The following INPP4A variants were observed in gnomAD, a reference collection of about 807,000 sequenced individuals.
INPP4A encodes inositol polyphosphate-4-phosphatase type I A, also known as inositol polyphosphate-4-phosphatase, type I, 107kD.
In INPP4A, 33 loss-of-function variants were observed where a neutral mutation model predicts 119.8. The observed-to-expected ratio is 0.28, with a 90% CI of 0.21 to 0.37. The LOEUF (loss-of-function observed/expected upper bound fraction) is 0.37. INPP4A is among the 10% of genes least tolerant of loss of function. The probability of loss-of-function intolerance (pLI) is 1.00; values close to 1 mark genes in which losing one functional copy is unlikely to be tolerated. For synonymous variants in INPP4A, 496 were observed against 500.7 expected (o/e 0.99, Z 0.12); for missense variants, 956 against 1,289.9 (o/e 0.74, Z 3.97).
In INPP4A at chr2:98,485,233, G is replaced by C. The variant is rs1187905928; in HGVS notation, c.-165-33731G>C. Among the ~76,000 whole-genome samples, 3 of 152,218 alleles carry C rather than the reference G, an allele frequency of 2.0e-5. No individual in the cohort carries two copies. In the East Asian group the frequency reaches 5.8e-4, roughly 29 times the overall value. On this transcript the variant is annotated intron_variant, in intron 1 of 24. Coordinates refer to ENST00000409851, the MANE Select transcript of INPP4A (RefSeq NM_001134225.2). ...CTGAAGAAATGTTACTTCTTTGTAA[G>C]AAACATTTTAGACTGAAATAAAAAC...
At chr2:98,470,472 C>T (rs768954051) in intron 1 of INPP4A, among the ~76,000 whole-genome samples, 22 of 152,164 alleles carry the variant, frequency 1.4e-4, no homozygotes, top group East Asian at 1.9e-4. Context: ...CGCTGGGCTT[C>T]GGCCCCTGCA....
At chr2:98,459,204 G>C (rs1404652428) in intron 1 of INPP4A, among the ~76,000 whole-genome samples, 3 of 152,162 alleles carry the variant, frequency 2.0e-5, no homozygotes, top group Admixed American at 2.0e-4. Flanking sequence ...TCGGCCAGGG[G>C]CTTGCCCCTA....
chr2:98,532,919 A>G (rs1394028413), intron 4 of INPP4A, among the ~76,000 whole-genome samples: 1 of 152,176 alleles, frequency 6.6e-6, no homozygotes, highest in African/African-American at 2.4e-5. Context: ...GCATCCATCC[A>G]TCCACCTGCC....
At chr2:98,518,670 C>A (rs1307505314) in intron 1 of INPP4A, among the ~76,000 whole-genome samples, 1 of 152,226 alleles carries the variant, frequency 6.6e-6, no homozygotes, top group East Asian at 1.9e-4. Flanking sequence ...AGTGGGGAAA[C>A]TGGTCTCACA....
At chr2:98,474,470 G>A (rs1676796415) in intron 1 of INPP4A, among the ~76,000 whole-genome samples, 1 of 152,204 alleles carries the variant, frequency 6.6e-6, no homozygotes, top group African/African-American at 2.4e-5. Flanking sequence ...GCCCTGGGTG[G>A]GATGAGCCCA....
chr2:98,486,305 C>G (rs983482311), intron 1 of INPP4A, among the ~76,000 whole-genome samples: 10 of 152,182 alleles, frequency 6.6e-5, no homozygotes, highest in African/African-American at 2.4e-4. Flanking sequence ...CTGCTGTGAA[C>G]TCTCTGGGGT....
In INPP4A at chr2:98,444,868, G is replaced by T. The variant is rs941410592; in HGVS notation, c.-383G>T. ...GGGGCTGCGCCCGGCGTCTAGAGCG[G>T]CGGCGGCTGGCTAGGGCTGCGGCGC... is the stretch of plus-strand genomic sequence containing the variant. On this transcript the variant is annotated 5_prime_UTR_variant, in exon 1 of 25. Coordinates refer to ENST00000409851, the MANE Select transcript of INPP4A (RefSeq NM_001134225.2). 2.6e-5 allele frequency: 4 copies of T among 152,072 alleles called. No individual in the cohort carries two copies. Among genetic ancestry groups the T allele is most frequent in the Non-Finnish European group, 5.9e-5 (4 of 68,200 alleles). The allele number at this position is 152,072 out of a possible 1,614,324, so 9.4% of individuals were successfully genotyped here. A position where few individuals can be genotyped will look rare whatever the true frequency, so the allele number is the denominator to read the frequency against.
At chr2:98,532,723 GTGTT>G (rs149601420) in intron 4 of INPP4A, among the ~76,000 whole-genome samples, 20,365 of 152,106 alleles carry the variant, frequency 0.13, 1,824 homozygotes, top group South Asian at 0.26. Context: ...AAAAGGTAAT[GTGTT>G]TGTTCTGGGA....
At position 98,566,251 on chromosome 2, in the gene INPP4A, C is replaced by CT; in HGVS notation, c.2420+83dup. Reference sequence around the variant, plus strand: ...AAACGTACTTACCCCTCTTCAGGCTCTAAGTGCTGGACAGACTTTGTCATC... The same window carrying CT: ...AAACGTACTTACCCCTCTTCAGGCTCTTAAGTGCTGGACAGACTTTGTCATC... On this transcript the variant is annotated intron_variant, in intron 21 of 24. Coordinates refer to ENST00000409851, the MANE Select transcript of INPP4A (RefSeq NM_001134225.2). This position sits in a 1 kb window ranked among gnomAD's most constrained non-coding sequence, Gnocchi z 4.2. The CT allele has an allele frequency of 1.4e-6, 2 of 1,384,490 alleles. No homozygotes were observed. The highest frequency in any genetic ancestry group is 1.5e-5 in the South Asian group (1 of 66,256). 85.8% of individuals were successfully genotyped at this position (1,384,490 alleles called of 1,614,324 possible). A position where few individuals can be genotyped will look rare whatever the true frequency, so the allele number is the denominator to read the frequency against.
Position 98,469,634 on chromosome 2 carries a change from C to T in INPP4A, c.-166+24549C>T, listed in dbSNP as rs536770197. Among the ~76,000 whole-genome samples the T allele has an allele frequency of 1.9e-4, 29 of 152,118 alleles. No individual in the cohort carries two copies. The South Asian group carries it at 5.4e-3, about 28-fold the overall frequency. Reference sequence around the variant, plus strand: ...CCTGACCAACATGGAGAAACCCTGTCTCTACTAAAAATACAAAAAATTAGC... The same window carrying T: ...CCTGACCAACATGGAGAAACCCTGTTTCTACTAAAAATACAAAAAATTAGC... On this transcript the variant is annotated intron_variant, in intron 1 of 24. Transcript: ENST00000409851.
intron 1 of INPP4A, among the ~76,000 whole-genome samples, chr2:98,459,402 C>CA (rs983815841): frequency 4.6e-5 from 7 of 152,332 alleles, no homozygotes; most frequent in African/African-American, 1.7e-4. Flanking sequence ...TCTACCAGGA[C>CA]ACCCTGGAGG....
At chr2:98,582,163 ACTG>A in intron 24 of INPP4A, among the ~76,000 whole-genome samples, 1 of 152,224 alleles carries the variant, frequency 6.6e-6, no homozygotes, top group Non-Finnish European at 1.5e-5. Context: ...CTTTAAGTGT[ACTG>A]CTAACCCTTC....
chr2:98,488,155 T>C (rs1428323373), intron 1 of INPP4A, among the ~76,000 whole-genome samples: 1 of 152,198 alleles, frequency 6.6e-6, no homozygotes, highest in Non-Finnish European at 1.5e-5. Context: ...TATTGTGGGT[T>C]GTTTGATTTT....
rs373910834 is a variant in INPP4A, at chr2:98,539,769, A to G, written c.818+94A>G. 7.0e-6 allele frequency: 9 copies of G among 1,283,798 alleles called. No homozygotes were observed. In the African/African-American group the frequency reaches 1.2e-4, roughly 18 times the overall value. The allele number at this position is 1,283,798 out of a possible 1,614,324, so 79.5% of individuals were successfully genotyped here. ...AGCGGGCAGAGCACTGGCATCAGAT[A>G]GACTGGACTGCAAACACAGCCTCTC... is the stretch of plus-strand genomic sequence containing the variant. On this transcript the variant is annotated intron_variant, in intron 10 of 24. Transcript: ENST00000409851.
Position 98,537,947 on chromosome 2 carries a change from C to A in INPP4A, c.552C>A (p.Thr184=). The change falls in exon 8 of 25, where the codon ACC becomes ACA. Residue 184 remains threonine (T), a synonymous_variant. Coordinates refer to ENST00000409851, the MANE Select transcript of INPP4A (RefSeq NM_001134225.2). Reference sequence around the variant, plus strand: ...AGTCAGACCAACGGCCCCCTGTGACCCGGTCTGTGGACACTGTCAATGGGA... The same window carrying A: ...AGTCAGACCAACGGCCCCCTGTGACACGGTCTGTGGACACTGTCAATGGGA... ...EEKSDQRPPV[T]RSVDTVNGRM... 2 of 1,611,948 alleles carry A rather than the reference C, an allele frequency of 1.2e-6. No homozygotes were observed. Among genetic ancestry groups the A allele is most frequent in the Non-Finnish European group, 8.5e-7 (1 of 1,178,862 alleles).
intron 1 of INPP4A, among the ~76,000 whole-genome samples, chr2:98,451,589 T>A (rs903292793): frequency 2.6e-5 from 4 of 152,162 alleles, no homozygotes; most frequent in African/African-American, 9.7e-5. Flanking sequence ...GGTATTCTGA[T>A]GTCTCCTGAA....
chr2:98,486,566 C>T (rs1358950818), intron 1 of INPP4A, among the ~76,000 whole-genome samples: 1 of 152,250 alleles, frequency 6.6e-6, no homozygotes, highest in African/African-American at 2.4e-5. Flanking sequence ...CAGTTGCCCA[C>T]AGGGCCTGAG....
chr2:98,577,119 C>T lies in INPP4A; in HGVS notation c.2762C>T (p.Thr921Ile). The change falls in exon 24 of 25, where the codon ACC becomes ATC. Residue 921 changes from threonine to isoleucine, a missense_variant. Thr to Ile is a moderately conservative substitution (Grantham distance 89). Around this residue, in one of 2 missense-constraint regions of INPP4A, gnomAD observed 304 missense variants for 492.1 expected, o/e 0.62. Coordinates refer to ENST00000409851, the MANE Select transcript of INPP4A (RefSeq NM_001134225.2). The stretch of plus-strand genomic sequence containing the variant: ...CATGGCATGGCCCCGCAGGTCTTCA[C>T]CCAGGCCCTGGAGTGCATGCGCAGG... Reference protein sequence around the residue: ...HEHGMAPQVFTQALECMRSEG... With the variant: ...HEHGMAPQVFIQALECMRSEG... 2 of 1,612,886 alleles carry T rather than the reference C, an allele frequency of 1.2e-6. No individual in the cohort carries two copies. The highest frequency in any genetic ancestry group is 1.7e-6 in the Non-Finnish European group (2 of 1,179,396).
chr2:98,530,539 G>A (rs1229862102), intron 4 of INPP4A, among the ~76,000 whole-genome samples: 1 of 152,156 alleles, frequency 6.6e-6, no homozygotes, highest in Non-Finnish European at 1.5e-5. Flanking sequence ...AGGGACTACA[G>A]GTTCATTAAG....
Sources: allele counts gnomAD v4.1 joint callset (sites outside exome capture counted in the v4.1 genomes callset), GRCh38; gene constraint gnomAD v4.1.1; regional missense constraint gnomAD v4.1.1; non-coding constraint Gnocchi (gnomAD v3.1); transcripts MANE v1.5; gene names NCBI Gene and HGNC (gene_info 2026-07-23, HGNC 2026-07-21).